Variants in CACNA2D4 observed in about 807,000 individuals in gnomAD.
CACNA2D4 encodes the protein calcium voltage-gated channel auxiliary subunit alpha2delta 4, also known as voltage-dependent calcium channel subunit alpha-2/delta-4.
A neutral mutation model predicts 163.8 loss-of-function variants in CACNA2D4; 157 were observed. That is an observed-to-expected ratio of 0.96 (90% CI 0.84 to 1.09). The LOEUF (loss-of-function observed/expected upper bound fraction) is 1.09, where lower values mean the gene tolerates loss of function less well. Among genes scored for constraint, CACNA2D4 ranks in the 50% least tolerant of loss-of-function variants. The pLI is 0.00. For missense variants in CACNA2D4, 1,410 were observed against 1,479.9 expected (o/e 0.95, Z 0.78); for synonymous variants, 598 against 586.9 (o/e 1.02, Z -0.27).
intron 26 of CACNA2D4, among the ~76,000 whole-genome samples, chr12:1,837,424 C>T (rs1370418738): frequency 6.6e-6 from 1 of 152,034 alleles, no homozygotes; most frequent in Non-Finnish European, 1.5e-5. Flanking sequence ...GACTGGAGGG[C>T]TGGGGAGTGA....
chr12:1,867,506 G>A (rs1053116156), intron 18 of CACNA2D4, among the ~76,000 whole-genome samples: 19 of 151,902 alleles, frequency 1.3e-4, no homozygotes, highest in South Asian at 2.1e-4. Context: ...TAAAGCTTTC[G>A]TTTCAGATAC....
At chr12:1,827,383 C>CCTTGTGT (rs1864385589) in intron 26 of CACNA2D4, 2 of 152,974 alleles carry the variant, frequency 1.3e-5, no homozygotes, top group African/African-American at 4.8e-5. Context: ...TCTCACCTCT[C>CCTTGTGT]CTTGTGTCCC....
At chr12:1,824,278 G>T (rs577730337) in intron 26 of CACNA2D4, among the ~76,000 whole-genome samples, 2 of 152,184 alleles carry the variant, frequency 1.3e-5, no homozygotes, top group Non-Finnish European at 2.9e-5. Context: ...TTGTTAAAAT[G>T]CGGATTCTGA....
chr12:1,846,885 C>A (rs1174367393), intron 23 of CACNA2D4, among the ~76,000 whole-genome samples, 196 bp from the exon 24 acceptor site: 1 of 152,236 alleles, frequency 6.6e-6, no homozygotes, highest in Admixed American at 6.5e-5. Context: ...AGGTTTCAGG[C>A]CCGGCTTCCG....
At chr12:1,898,806 T>C (rs750804881) in intron 6 of CACNA2D4, among the ~76,000 whole-genome samples, 7 of 152,128 alleles carry the variant, frequency 4.6e-5, no homozygotes, top group African/African-American at 1.7e-4. Flanking sequence ...AAGGGCATTA[T>C]GCTAAGTGAA....
Position 1,834,664 on chromosome 12 carries a change from G to A in CACNA2D4, c.2551+6075C>T. On this transcript the variant is annotated intron_variant, in intron 26 of 37. Transcript: ENST00000382722. The surrounding 1 kb of genome is among the most constrained non-coding windows in gnomAD (Gnocchi z 7.6). ...GGGAGCTCAAAAAGCGCCAGCCCCTGATGGGGGACCCCGAGGGCGAGCACG... is the reference window on the plus strand; with the variant it reads ...GGGAGCTCAAAAAGCGCCAGCCCCTAATGGGGGACCCCGAGGGCGAGCACG... 6.2e-7 allele frequency: 1 copy of A among 1,601,714 alleles called. No homozygotes were observed. Among genetic ancestry groups the A allele is most frequent in the Non-Finnish European group, 8.5e-7 (1 of 1,179,734 alleles).
At position 1,833,857 on chromosome 12, in the gene CACNA2D4, G is replaced by A. The variant is rs560690381; in HGVS notation, c.2551+6882C>T. 4.6e-4 allele frequency among the ~76,000 whole-genome samples: 70 copies of A among 152,256 alleles called. No individual in the cohort carries two copies. Among genetic ancestry groups the A allele is most frequent in the Admixed American group, 8.5e-4 (13 of 15,296 alleles). Reference sequence around the variant, plus strand: ...AGACAGGTGATGAGCAGGCAGATTCGGGGGCAGAGAGTGTGGCAGGGACGC... The same window carrying A: ...AGACAGGTGATGAGCAGGCAGATTCAGGGGCAGAGAGTGTGGCAGGGACGC... On this transcript the variant is annotated intron_variant, in intron 26 of 37. Transcript: ENST00000382722. This position sits in a 1 kb window ranked among gnomAD's most constrained non-coding sequence, Gnocchi z 4.2.
In CACNA2D4 at chr12:1,846,633, C is replaced by A; in HGVS notation, c.2303G>T (p.Arg768Ile). ...AFLGTRAGLL[R>I]SSLFVGSEKV... ...CTCGGAGCCCACGAACAAGCTGCTT[C>A]TCAGGAGGCCAGCCCGGGTGCCCAG... The change falls in exon 24 of 38, where the codon AGA (arginine) becomes ATA (isoleucine). Residue 768 changes from arginine to isoleucine, a missense_variant. Physicochemically the swap from Arg to Ile is moderately conservative, Grantham distance 97 (BLOSUM62 -3). Transcript: ENST00000382722. The A allele has an allele frequency of 6.2e-7, 1 of 1,604,716 alleles. No individual in the cohort carries two copies. Among genetic ancestry groups the A allele is most frequent in the East Asian group, 2.2e-5 (1 of 44,630 alleles).
At chr12:1,825,278 G>A (rs1432131698) in intron 26 of CACNA2D4, among the ~76,000 whole-genome samples, 5 of 152,358 alleles carry the variant, frequency 3.3e-5, no homozygotes, top group Admixed American at 3.3e-4. Context: ...AGCCTATCCA[G>A]GGGAGGCAGA....
At chr12:1,911,182 C>G (rs190980243) in intron 3 of CACNA2D4, among the ~76,000 whole-genome samples, 1 of 152,106 alleles carries the variant, frequency 6.6e-6, no homozygotes, top group East Asian at 1.9e-4. Context: ...CACCACCATA[C>G]CCAGCTAATT....
At chr12:1,916,969 C>T (rs761401316) in intron 1 of CACNA2D4, among the ~76,000 whole-genome samples, 6 of 152,184 alleles carry the variant, frequency 3.9e-5, no homozygotes, top group South Asian at 2.1e-4. Flanking sequence ...CCAGCCACCC[C>T]GACTTGGCCC....
chr12:1,870,128 C>A (rs960040011), intron 18 of CACNA2D4, among the ~76,000 whole-genome samples: 1 of 152,150 alleles, frequency 6.6e-6, no homozygotes, highest in African/African-American at 2.4e-5. Flanking sequence ...TCTGTGCTTT[C>A]AAAGGAAATC....
Position 1,806,439 on chromosome 12 carries a change from C to A in CACNA2D4, c.2721+3839G>T, listed in dbSNP as rs895692086. ...AGCAGCCACTCCCTGGGGCTGGCTG[C>A]AGATGAGGCCCTTGTGGTTTCCCCA... On this transcript the variant is annotated intron_variant, in intron 29 of 37. Coordinates refer to ENST00000382722, the MANE Select transcript of CACNA2D4 (RefSeq NM_172364.5). This position sits in a 1 kb window ranked among gnomAD's most constrained non-coding sequence, Gnocchi z 4.1. Among the ~76,000 whole-genome samples the A allele has an allele frequency of 3.3e-5, 5 of 152,204 alleles. No individual in the cohort carries two copies. The highest frequency in any genetic ancestry group is 1.2e-4 in the African/African-American group (5 of 41,450).
Position 1,828,457 on chromosome 12 carries a change from C to G in CACNA2D4, c.2551+12282G>C, listed in dbSNP as rs1047427369. Among the ~76,000 whole-genome samples the G allele has an allele frequency of 6.6e-6, 1 of 152,232 alleles. No individual in the cohort carries two copies. Among genetic ancestry groups the G allele is most frequent in the Non-Finnish European group, 1.5e-5 (1 of 68,036 alleles). On this transcript the variant is annotated intron_variant, in intron 26 of 37. Coordinates refer to ENST00000382722, the MANE Select transcript of CACNA2D4 (RefSeq NM_172364.5). This position sits in a 1 kb window ranked among gnomAD's most constrained non-coding sequence, Gnocchi z 4.2. ...TTAGACCTGGAGCTGGAGGCCACGA[C>G]AGTTGTTCTACCTCCCCCAGGTAAG...
chr12:1,823,970 G>T (rs1864215807), intron 26 of CACNA2D4, among the ~76,000 whole-genome samples: 1 of 152,246 alleles, frequency 6.6e-6, no homozygotes, highest in Non-Finnish European at 1.5e-5. Context: ...AGAGCCATAT[G>T]ATTCCATTTG....
chr12:1,802,994 G>C lies in CACNA2D4; in HGVS notation c.2722-1350C>G, dbSNP rs1445678333. Among the ~76,000 whole-genome samples the C allele has an allele frequency of 6.6e-6, 1 of 152,232 alleles. No individual in the cohort carries two copies. The highest frequency in any genetic ancestry group is 1.5e-5 in the Non-Finnish European group (1 of 68,048). Reference sequence around the variant, plus strand: ...ACTCAGTCAGTGTGGAATGTTGATAGGGAAGGGAGGTGGGAACCAAGCTGA... The same window carrying C: ...ACTCAGTCAGTGTGGAATGTTGATACGGAAGGGAGGTGGGAACCAAGCTGA... On this transcript the variant is annotated intron_variant, in intron 29 of 37. Coordinates refer to ENST00000382722, the MANE Select transcript of CACNA2D4 (RefSeq NM_172364.5). The surrounding 1 kb of genome is among the most constrained non-coding windows in gnomAD (Gnocchi z 4.7).
intron 23 of CACNA2D4, among the ~76,000 whole-genome samples, chr12:1,852,611 A>C (rs1210653123): frequency 5.9e-5 from 9 of 152,032 alleles, no homozygotes; most frequent in Admixed American, 4.6e-4. Flanking sequence ...GCTATTTTAT[A>C]TTAACTTCCT....
At chr12:1,915,048 C>T in intron 1 of CACNA2D4, 113 bp from the exon 2 acceptor site, 1 of 791,408 alleles carries the variant, frequency 1.3e-6, no homozygotes. Flanking sequence ...TACACACAGA[C>T]ACCTGCTGAT....
chr12:1,863,785 C>T (rs1865577048), intron 18 of CACNA2D4, among the ~76,000 whole-genome samples: 1 of 151,790 alleles, frequency 6.6e-6, no homozygotes, highest in Admixed American at 6.6e-5. Context: ...GTCCTGTGTA[C>T]AACCATCCCA....
Sources: gnomAD v4.1 joint callset for allele counts (sites outside exome capture counted in the v4.1 genomes callset) on GRCh38, gnomAD v4.1.1 for gene constraint, Gnocchi (gnomAD v3.1) non-coding constraint, MANE v1.5 for transcripts, NCBI Gene and HGNC (gene_info 2026-07-23, HGNC 2026-07-21) for gene names.